The following DCTN2 variants were observed in gnomAD, a reference collection of about 807,000 sequenced individuals.
DCTN2 encodes 50 kDa dynein-associated polypeptide.
In DCTN2, 18 loss-of-function variants were observed where a neutral mutation model predicts 55.4. The observed-to-expected ratio is 0.32, with a 90% CI of 0.22 to 0.48. The LOEUF is 0.48. Ranked by LOEUF, DCTN2 falls within the 20% of genes least tolerant of loss-of-function variation. The probability of loss-of-function intolerance (pLI) is 0.99; values close to 1 mark genes in which losing one functional copy is unlikely to be tolerated. For missense variants in DCTN2, 390 were observed against 491.0 expected, an observed-to-expected ratio of 0.79 and a Z score of 1.94; for synonymous variants, 168 against 185.2, an observed-to-expected ratio of 0.91 and a Z score of 0.76.
intron 2 of DCTN2, among the ~76,000 whole-genome samples, chr12:57,544,466 G>A (rs1270302297): frequency 1.3e-5 from 2 of 150,970 alleles, no homozygotes; most frequent in Non-Finnish European, 3.0e-5. Flanking sequence ...CCAGGCTGGG[G>A]TGCAGTGGCG....
intron 12 of DCTN2, 27 bp from the exon 13 acceptor site, chr12:57,532,133 T>A: frequency 6.4e-7 from 1 of 1,553,600 alleles, no homozygotes; most frequent in Admixed American, 2.0e-5. Context: ...TGGTTGAGAC[T>A]TGAATCCAAG....
At position 57,532,017 on chromosome 12, in the gene DCTN2, G is replaced by C; in HGVS notation, c.1117C>G (p.Gln373Glu). 6.4e-7 allele frequency: 1 copy of C among 1,559,632 alleles called. No homozygotes were observed. The highest frequency in any genetic ancestry group is 8.7e-7 in the Non-Finnish European group (1 of 1,151,294). Residue 373 changes from glutamine to glutamate, a missense_variant and splice_region_variant, in exon 13 of 14, where the codon CAG (glutamine) becomes GAG (glutamate). Gln to Glu is a conservative substitution (Grantham distance 29). This residue lies in a region of DCTN2 where 273 missense variants were observed against 303.2 expected (regional missense o/e 0.90). Coordinates refer to ENST00000548249, the MANE Select transcript of DCTN2 (RefSeq NM_001261413.2). ...CAGATCAACAAAGGGGCACACACCT[G>C]GGTCAAGAGGGTGGTATTGTCCTTC... is the stretch of plus-strand genomic sequence containing the variant. ...SLKDNTTLLT[Q>E]VQTTMRENLA...
intron 2 of DCTN2, 77 bp from the exon 3 acceptor site, chr12:57,535,922 A>C: frequency 1.7e-6 from 2 of 1,145,730 alleles, no homozygotes; most frequent in Non-Finnish European, 2.6e-6. Context: ...AAAATCCCCA[A>C]ACCATTAGGT....
At chr12:57,533,771 A>G (rs1879965528) in intron 7 of DCTN2, among the ~76,000 whole-genome samples, 182 bp downstream of exon 7, 2 of 6,824 alleles carry the variant, frequency 2.9e-4, no homozygotes, top group Admixed American at 4.8e-3. Context: ...ACTCCGTCTC[A>G]AAAAAAAAAA....
intron 1 of DCTN2, among the ~76,000 whole-genome samples, chr12:57,546,548 T>C (rs1156511559): frequency 2.0e-5 from 3 of 151,914 alleles, no homozygotes; most frequent in African/African-American, 7.3e-5. Flanking sequence ...AGGATTGTCA[T>C]GGGAGTGGGG....
chr12:57,535,674 G>A (rs918022668), intron 3 of DCTN2, 75 bp downstream of exon 3: 5 of 1,525,778 alleles, frequency 3.3e-6, no homozygotes, highest in Non-Finnish European at 3.6e-6. Context: ...AACTCACTAA[G>A]ACTTTAGGAC....
chr12:57,532,494 G>A, intron 11 of DCTN2, 78 bp downstream of exon 11: 2 of 1,496,316 alleles, frequency 1.3e-6, no homozygotes, highest in Non-Finnish European at 1.9e-6. Context: ...TGAGGAGTCA[G>A]TGTGTTCTCA....
At chr12:57,546,881 T>G in intron 1 of DCTN2, 147 bp downstream of exon 1, 1 of 653,672 alleles carries the variant, frequency 1.5e-6, no homozygotes, top group South Asian at 7.4e-5. Context: ...GTTCGGGGGG[T>G]GCTGAGGCCG....
chr12:57,543,991 C>G (rs1880925114), intron 2 of DCTN2: 1 of 445,848 alleles, frequency 2.2e-6, no homozygotes, highest in Non-Finnish European at 4.5e-6. Flanking sequence ...TAAGAGATAT[C>G]CCAGTATCTT....
At chr12:57,536,134 A>T (rs1880215086) in intron 2 of DCTN2, 2 of 388,398 alleles carry the variant, frequency 5.1e-6, no homozygotes, top group Non-Finnish European at 9.3e-6. Context: ...CCCCCATGCT[A>T]CCCCTCCCAG....
chr12:57,537,345 AAG>A (rs371054082), intron 2 of DCTN2, among the ~76,000 whole-genome samples: 19 of 150,236 alleles, frequency 1.3e-4, no homozygotes, highest in Non-Finnish European at 2.4e-4. Context: ...AAAAAAGAAA[AAG>A]AGAGAGAGAG....
chr12:57,533,156 AG>A (rs2140118244), intron 8 of DCTN2, 81 bp downstream of exon 8: 1 of 1,578,658 alleles, frequency 6.3e-7, no homozygotes, highest in African/African-American at 1.4e-5. Flanking sequence ...GACTCCTCCC[AG>A]GCTTATGTGG....
intron 2 of DCTN2, among the ~76,000 whole-genome samples, chr12:57,541,831 C>G (rs1191931517): frequency 6.6e-6 from 1 of 152,188 alleles, no homozygotes; most frequent in Non-Finnish European, 1.5e-5. Flanking sequence ...CCAAGCAAGC[C>G]TATTGCCCCA....
At chr12:57,538,704 G>A (rs1565681386) in intron 2 of DCTN2, 1 of 588,326 alleles carries the variant, frequency 1.7e-6, no homozygotes, top group Non-Finnish European at 3.1e-6. Context: ...CGAAATTTAG[G>A]GGCCAAGAAA....
rs201954041 is a variant in DCTN2, at chr12:57,534,308, C to A, written c.508G>T (p.Asp170Tyr). 5.6e-6 allele frequency: 9 copies of A among 1,594,166 alleles called. No individual in the cohort carries two copies. The highest frequency in any genetic ancestry group is 6.9e-6 in the Non-Finnish European group (8 of 1,165,908). The change falls in exon 6 of 14, where the codon GAT becomes TAT. Residue 170 changes from aspartate to tyrosine, a missense_variant. Asp to Tyr is a radical substitution (Grantham distance 160). Around this residue, in one of 2 missense-constraint regions of DCTN2, gnomAD observed 273 missense variants for 303.2 expected, o/e 0.90. Transcript: ENST00000548249. ...GGTACCCACTTAGCCAGGGCGCCAT[C>A]GGGGTCGGTAAGGTTGATTGCAGCA... ...PDAAINLTDP[D>Y]GALAKRLLLQ...
chr12:57,538,425 G>C lies in DCTN2; in HGVS notation c.106-2580C>G, dbSNP rs927053005. 5 of 714,294 alleles carry C rather than the reference G, an allele frequency of 7.0e-6. No individual in the cohort carries two copies. The African/African-American group carries it at 8.7e-5, about 12-fold the overall frequency. The allele number at this position is 714,294 out of a possible 1,614,324, so 44.2% of individuals were successfully genotyped here. On this transcript the variant is annotated intron_variant, in intron 2 of 13. Transcript: ENST00000548249. ...AGGCTGGGTGTGGGACTGAATAGATGAATGAAAGATTTAGTAGAGTCTAAA... is the reference window on the plus strand; with the variant it reads ...AGGCTGGGTGTGGGACTGAATAGATCAATGAAAGATTTAGTAGAGTCTAAA...
chr12:57,532,545 A>G (rs1565676495), intron 11 of DCTN2, 27 bp downstream of exon 11: 2 of 1,612,198 alleles, frequency 1.2e-6, no homozygotes, highest in East Asian at 2.2e-5. Context: ...GGGAGTGGAA[A>G]GGAGATGGGG....
At chr12:57,537,820 A>C (rs1440859899) in intron 2 of DCTN2, among the ~76,000 whole-genome samples, 2 of 152,212 alleles carry the variant, frequency 1.3e-5, no homozygotes, top group African/African-American at 4.8e-5. Flanking sequence ...TGTTACGGCC[A>C]GAACACCCAC....
chr12:57,530,624 A>G lies in DCTN2; in HGVS notation c.*65T>C, dbSNP rs376585690. 3.6e-5 allele frequency: 49 copies of G among 1,370,816 alleles called. No individual in the cohort carries two copies. In the African/African-American group the frequency reaches 5.7e-4, roughly 16 times the overall value. 84.9% of individuals were successfully genotyped at this position (1,370,816 alleles called of 1,614,324 possible). On this transcript the variant is annotated 3_prime_UTR_variant, in exon 14 of 14. Coordinates refer to ENST00000548249, the MANE Select transcript of DCTN2 (RefSeq NM_001261413.2). ...AGAGTTATAGTAAAGGGGAAACCCT[A>G]TGTAAGCTGTTAACAGAGTTCACAG...
Sources: allele counts gnomAD v4.1 joint callset (sites outside exome capture counted in the v4.1 genomes callset), GRCh38; gene constraint gnomAD v4.1.1; regional missense constraint gnomAD v4.1.1; transcripts MANE v1.5; gene names NCBI Gene and HGNC (gene_info 2026-07-23, HGNC 2026-07-21).